Variants in GALNTL6 observed in about 807,000 individuals in gnomAD.
GALNTL6 encodes polypeptide N-acetylgalactosaminyltransferase-like 6.
In GALNTL6, 46 loss-of-function variants were observed where a neutral mutation model predicts 73.7. The ratio of observed to expected loss-of-function variants is 0.62; its 90% confidence interval spans 0.49 to 0.80. The LOEUF (loss-of-function observed/expected upper bound fraction) is 0.80, where lower values mean the gene tolerates loss of function less well. GALNTL6 is among the 30% of genes least tolerant of loss of function. The pLI is 0.00. For missense variants in GALNTL6, 604 were observed against 755.0 expected (o/e 0.80, Z 2.34); for synonymous variants, 259 against 263.7 (o/e 0.98, Z 0.17).
intron 5 of GALNTL6, among the ~76,000 whole-genome samples, chr4:172,602,720 T>A (rs994080834): frequency 6.6e-6 from 1 of 152,136 alleles, no homozygotes; most frequent in Non-Finnish European, 1.5e-5. Context: ...ACATACCAAT[T>A]AAACTTACAG....
intron 5 of GALNTL6, among the ~76,000 whole-genome samples, chr4:172,684,379 A>T (rs992928539): frequency 1.3e-5 from 2 of 152,188 alleles, no homozygotes; most frequent in Non-Finnish European, 2.9e-5. Context: ...CTAACTTTAG[A>T]TGCTAGAGAA....
chr4:172,174,270 GA>G (rs1203266517), intron 2 of GALNTL6, among the ~76,000 whole-genome samples: 1 of 152,018 alleles, frequency 6.6e-6, no homozygotes, highest in Admixed American at 6.6e-5. Context: ...AATGTGAGGT[GA>G]AAAAAAGAAG....
At chr4:172,399,837 T>C (rs1743975974) in intron 5 of GALNTL6, among the ~76,000 whole-genome samples, 2 of 152,194 alleles carry the variant, frequency 1.3e-5, no homozygotes, top group Admixed American at 6.6e-5. Flanking sequence ...TTATTCTTTT[T>C]AAATTTTTTT....
At chr4:172,383,516 C>T (rs922268204) in intron 5 of GALNTL6, among the ~76,000 whole-genome samples, 4 of 152,120 alleles carry the variant, frequency 2.6e-5, no homozygotes, top group African/African-American at 9.7e-5. Context: ...TCAGGATTCT[C>T]TATATACAAG....
intron 10 of GALNTL6, among the ~76,000 whole-genome samples, chr4:172,962,912 C>T (rs1750148437): frequency 3.3e-5 from 5 of 152,166 alleles, no homozygotes; most frequent in South Asian, 2.1e-4. Flanking sequence ...TTCTGCCTGC[C>T]GCGCTTCGGT....
At chr4:172,260,119 T>C (rs1399519868) in intron 3 of GALNTL6, among the ~76,000 whole-genome samples, 2 of 151,782 alleles carry the variant, frequency 1.3e-5, no homozygotes, top group African/African-American at 4.8e-5. Context: ...TTGTTTTTTC[T>C]AGTTCTGTGA....
intron 5 of GALNTL6, among the ~76,000 whole-genome samples, chr4:172,446,220 T>G (rs572992852): frequency 1.3e-5 from 2 of 152,276 alleles, no homozygotes; most frequent in East Asian, 3.9e-4. Flanking sequence ...AGGAAGATAA[T>G]AGATATAAGA....
chr4:172,157,109 C>A (rs759467801), intron 2 of GALNTL6, among the ~76,000 whole-genome samples: 1 of 152,074 alleles, frequency 6.6e-6, no homozygotes. Context: ...AACTCCCCAG[C>A]CTACATATCT....
chr4:173,006,123 T>C (rs533154203), intron 10 of GALNTL6, among the ~76,000 whole-genome samples: 1 of 152,230 alleles, frequency 6.6e-6, no homozygotes, highest in South Asian at 2.1e-4. Flanking sequence ...ACATGTGAGT[T>C]CAAATGCCAG....
At chr4:172,629,269 A>G (rs1331609732) in intron 5 of GALNTL6, among the ~76,000 whole-genome samples, 1 of 152,148 alleles carries the variant, frequency 6.6e-6, no homozygotes, top group Non-Finnish European at 1.5e-5. Flanking sequence ...TTTTTCCAAG[A>G]GTCAGATTTG....
At chr4:172,529,713 C>CT in intron 5 of GALNTL6, among the ~76,000 whole-genome samples, 1 of 151,328 alleles carries the variant, frequency 6.6e-6, no homozygotes, top group African/African-American at 2.4e-5. Context: ...GAGATGGAGT[C>CT]TTGCTCTTGT....
chr4:172,488,745 G>A (rs535907026), intron 5 of GALNTL6, among the ~76,000 whole-genome samples: 42 of 151,058 alleles, frequency 2.8e-4, no homozygotes, highest in Non-Finnish European at 5.5e-4. Context: ...TGATAGAAGC[G>A]TCAAAGAATT....
chr4:172,369,601 C>T (rs548223426), intron 5 of GALNTL6, among the ~76,000 whole-genome samples: 1 of 152,188 alleles, frequency 6.6e-6, no homozygotes, highest in East Asian at 1.9e-4. Context: ...GCTGCAGGTC[C>T]CGAGCCCTGC....
At chr4:172,329,465 A>G (rs1741052179) in intron 4 of GALNTL6, among the ~76,000 whole-genome samples, 1 of 152,184 alleles carries the variant, frequency 6.6e-6, no homozygotes, top group African/African-American at 2.4e-5. Flanking sequence ...AAAGATATCA[A>G]CAGTGAAGGC....
chr4:172,979,330 C>A (rs1030400899), intron 10 of GALNTL6, among the ~76,000 whole-genome samples: 3 of 152,194 alleles, frequency 2.0e-5, no homozygotes, highest in Non-Finnish European at 4.4e-5. Flanking sequence ...ACCAAATATT[C>A]TCTCTTTAAG....
chr4:172,524,333 C>T (rs1734880474), intron 5 of GALNTL6, among the ~76,000 whole-genome samples: 1 of 152,048 alleles, frequency 6.6e-6, no homozygotes, highest in African/African-American at 2.4e-5. Flanking sequence ...ACCGCAACCT[C>T]CGCCTCCCTA....
chr4:172,453,213 A>G (rs1732275932), intron 5 of GALNTL6, among the ~76,000 whole-genome samples: 1 of 152,152 alleles, frequency 6.6e-6, no homozygotes, highest in Admixed American at 6.5e-5. Context: ...GAAAAAAAAA[A>G]AAAAGATGTG....
intron 2 of GALNTL6, among the ~76,000 whole-genome samples, chr4:171,840,835 CT>C (rs986883096): frequency 1.8e-4 from 28 of 151,934 alleles, no homozygotes; most frequent in African/African-American, 6.7e-4. Context: ...CCTCTTTTTT[CT>C]TAACTTTTCC....
intron 5 of GALNTL6, among the ~76,000 whole-genome samples, chr4:172,492,819 A>G (rs1262816673): frequency 6.6e-6 from 1 of 152,152 alleles, no homozygotes; most frequent in African/African-American, 2.4e-5. Context: ...TTAGGTTTTA[A>G]TCTTATTTAT....
Sources: gnomAD v4.1 joint callset for allele counts (sites outside exome capture counted in the v4.1 genomes callset) on GRCh38, gnomAD v4.1.1 for gene constraint, MANE v1.5 for transcripts, NCBI Gene and HGNC (gene_info 2026-07-23, HGNC 2026-07-21) for gene names.